Variants in HSD17B12 observed in about 807,000 individuals in gnomAD.
HSD17B12 encodes the protein very-long-chain 3-oxoacyl-CoA reductase.
Under a neutral mutation model 39.3 loss-of-function variants are expected in HSD17B12, and 32 were observed. The observed-to-expected ratio is 0.81, with a 90% confidence interval of 0.61 to 1.09. The LOEUF is 1.09. Ranked by LOEUF, HSD17B12 falls within the 50% of genes least tolerant of loss-of-function variation. HSD17B12 has a pLI of 0.00. For synonymous variants in HSD17B12, 150 were observed against 146.7 expected (o/e 1.02, Z -0.16); for missense variants, 342 against 382.9 (o/e 0.89, Z 0.89).
At chr11:43,651,445 A>G in the HSD17B12 span, among the ~76,000 whole-genome samples, 1 of 152,248 alleles carries the variant, frequency 6.6e-6, no homozygotes, top group Non-Finnish European at 1.5e-5. Context: ...AAGTATGGTC[A>G]AACAGGCAAT....
At chr11:43,607,776 C>A in the HSD17B12 span, among the ~76,000 whole-genome samples, 2 of 152,162 alleles carry the variant, frequency 1.3e-5, no homozygotes, top group Non-Finnish European at 2.9e-5. Context: ...TTTTAATTAT[C>A]AATTTTCTTG....
chr11:43,644,097 G>A, the HSD17B12 span: 1 of 152,258 alleles, frequency 6.6e-6, no homozygotes, highest in African/African-American at 2.4e-5. Context: ...GGTGAAAGTA[G>A]GTGCAACAAT....
At chr11:43,598,903 T>A in the HSD17B12 span, among the ~76,000 whole-genome samples, 23 of 152,258 alleles carry the variant, frequency 1.5e-4, no homozygotes, top group Middle Eastern at 3.4e-3. Flanking sequence ...CAATGGTGTG[T>A]GTATGTCAGA....
chr11:43,619,249 T>TATATATATGATATATATATATAAA, the HSD17B12 span, among the ~76,000 whole-genome samples: 4 of 118,840 alleles, frequency 3.4e-5, no homozygotes, highest in Admixed American at 8.9e-5. Flanking sequence ...ATATAAAATA[T>TATATATATGATATATATATATAAA]ATATATATAT....
chr11:43,787,215 A>G lies in HSD17B12; in HGVS notation c.284-11105A>G, dbSNP rs1196823486. On this transcript the variant is annotated intron_variant, in intron 3 of 10. Transcript: ENST00000278353. ...CCTCCGCCTCCCAAAGTGCTGGGATAACAGGTGTGAGCCACCTTGCCTGGC... is the reference window on the plus strand; with the variant it reads ...CCTCCGCCTCCCAAAGTGCTGGGATGACAGGTGTGAGCCACCTTGCCTGGC... 7.2e-5 allele frequency among the ~76,000 whole-genome samples: 11 copies of G among 152,168 alleles called. No homozygotes were observed. In the East Asian group the frequency reaches 7.8e-4, roughly 11 times the overall value.
chr11:43,694,748 G>T (rs946134268), intron 1 of HSD17B12, among the ~76,000 whole-genome samples: 11 of 152,012 alleles, frequency 7.2e-5, no homozygotes, highest in Non-Finnish European at 1.6e-4. Flanking sequence ...AATTCATCTG[G>T]ATCATATGAA....
intron 1 of HSD17B12, among the ~76,000 whole-genome samples, chr11:43,684,284 GTGAA>G (rs1461435520): frequency 6.6e-6 from 1 of 152,238 alleles, no homozygotes; most frequent in African/African-American, 2.4e-5. Context: ...AGGAGATCCT[GTGAA>G]TGTGGAGTTT....
intron 10 of HSD17B12, 66 bp from the exon 11 acceptor site, chr11:43,855,078 C>A: frequency 8.2e-7 from 1 of 1,215,782 alleles, no homozygotes; most frequent in Non-Finnish European, 1.2e-6. Context: ...AACATTAAAT[C>A]ATATGCTTCA....
At chr11:43,631,714 G>A in the HSD17B12 span, among the ~76,000 whole-genome samples, 1 of 151,470 alleles carries the variant, frequency 6.6e-6, no homozygotes, top group Non-Finnish European at 1.5e-5. Flanking sequence ...TTCATTGTAA[G>A]AATTGTTCTC....
At chr11:43,774,750 A>G (rs1208618965) in intron 3 of HSD17B12, among the ~76,000 whole-genome samples, 1 of 152,188 alleles carries the variant, frequency 6.6e-6, no homozygotes, top group Non-Finnish European at 1.5e-5. Flanking sequence ...AGTAAGATAC[A>G]GAGGGGTAAG....
the HSD17B12 span, among the ~76,000 whole-genome samples, chr11:43,656,367 AT>A: frequency 1.3e-5 from 2 of 151,956 alleles, no homozygotes; most frequent in African/African-American, 4.8e-5. Flanking sequence ...GGATTCATTG[AT>A]TTTTTGAAGG....
chr11:43,800,967 C>T (rs2135050338), intron 4 of HSD17B12, among the ~76,000 whole-genome samples: 1 of 152,088 alleles, frequency 6.6e-6, no homozygotes, highest in African/African-American at 2.4e-5. Flanking sequence ...GACGAAACCC[C>T]ATCTCTACTA....
chr11:43,815,650 G>A, intron 5 of HSD17B12, 149 bp downstream of exon 5: 1 of 475,438 alleles, frequency 2.1e-6, no homozygotes, highest in South Asian at 5.5e-5. Context: ...TATGGGCCTA[G>A]CCATACTTAG....
the HSD17B12 span, among the ~76,000 whole-genome samples, chr11:43,632,052 T>A: frequency 6.6e-6 from 1 of 152,148 alleles, no homozygotes; most frequent in Non-Finnish European, 1.5e-5. Flanking sequence ...ACATTTTTCT[T>A]CTAAAAAGTT....
the HSD17B12 span, among the ~76,000 whole-genome samples, chr11:43,577,132 G>T: frequency 3.3e-5 from 5 of 152,178 alleles, no homozygotes; most frequent in Admixed American, 1.3e-4. Context: ...CCCTGGTTCG[G>T]GCTGGCCCAA....
At chr11:43,592,699 G>A in the HSD17B12 span, among the ~76,000 whole-genome samples, 1 of 151,982 alleles carries the variant, frequency 6.6e-6, no homozygotes, top group African/African-American at 2.4e-5. Context: ...TGAATACACG[G>A]GTCTTTTTCC....
At chr11:43,578,280 C>T in the HSD17B12 span, among the ~76,000 whole-genome samples, 2 of 152,152 alleles carry the variant, frequency 1.3e-5, no homozygotes, top group Admixed American at 6.5e-5. Context: ...GACCAGGTCT[C>T]TCTGCTTCAT....
intron 9 of HSD17B12, 79 bp downstream of exon 9, chr11:43,840,143 A>C (rs1951411610): frequency 9.2e-7 from 1 of 1,089,176 alleles, no homozygotes. Context: ...TGGCAATAAC[A>C]AAAAAAATCA....
At chr11:43,840,867 T>G (rs997036666) in intron 9 of HSD17B12, among the ~76,000 whole-genome samples, 1 of 152,328 alleles carries the variant, frequency 6.6e-6, no homozygotes, top group African/African-American at 2.4e-5. Context: ...AACTCTGTTT[T>G]CAATTCTTTT....
Sources: allele counts gnomAD v4.1 joint callset (sites outside exome capture counted in the v4.1 genomes callset), GRCh38; gene constraint gnomAD v4.1.1; transcripts MANE v1.5; gene names NCBI Gene and HGNC (gene_info 2026-07-23, HGNC 2026-07-21).